COL16A1: variants seen among roughly 807,000 people sequenced by gnomAD.
The protein encoded by COL16A1 is collagen alpha-1(XVI) chain.
In COL16A1, 189 loss-of-function variants were observed where a neutral mutation model predicts 266.3. The observed-to-expected ratio is 0.71, with a 90% CI of 0.63 to 0.80. The LOEUF (loss-of-function observed/expected upper bound fraction) is 0.80. Ranked by LOEUF, COL16A1 falls within the 30% of genes least tolerant of loss-of-function variation. The pLI is 0.00. For synonymous variants in COL16A1, 740 were observed against 782.3 expected (o/e 0.95, Z 0.90); for missense variants, 1,928 against 2,122.4 (o/e 0.91, Z 1.80).
chr1:31,689,607 A>C, intron 23 of COL16A1, 134 bp downstream of exon 23: 1 of 725,346 alleles, frequency 1.4e-6, no homozygotes, highest in Non-Finnish European at 2.4e-6. Flanking sequence ...GTAAGAGCCT[A>C]GACTCTCTGC....
chr1:31,661,885 C>A, intron 58 of COL16A1, 181 bp from the exon 59 acceptor site: 1 of 659,102 alleles, frequency 1.5e-6, no homozygotes, highest in Non-Finnish European at 2.6e-6. Context: ...CCTCTCCGGG[C>A]CTTAGCTTTC....
rs776835341 is a variant in COL16A1 at position 31,652,752 on chromosome 1, G to A, written c.4714C>T (p.Pro1572Ser). The A allele has an allele frequency of 2.5e-6, 4 of 1,602,912 alleles. No individual in the cohort carries two copies. Among genetic ancestry groups the A allele is most frequent in the Non-Finnish European group, 3.4e-6 (4 of 1,176,786 alleles). ...IPGPPGPMGQ[P>S]GKAGHCNPSD... ...GGATTACAGTGGCCAGCCTTGCCTG[G>A]CTGGCCCATGGGACCCGGGGGCCCA... The change falls in exon 71 of 71, where the codon CCA (proline) becomes TCA (serine). Residue 1572 changes from proline (P) to serine (S), a missense_variant. Physicochemically the swap from Pro to Ser is moderately conservative, Grantham distance 74 (BLOSUM62 -1). Around this residue, in one of 2 missense-constraint regions of COL16A1, gnomAD observed 376 missense variants for 485.2 expected, o/e 0.77. Transcript: ENST00000373672. The surrounding 1 kb of genome is among the most constrained non-coding windows in gnomAD (Gnocchi z 4.8).
In COL16A1 at chr1:31,656,219, A is replaced by C. The variant is rs1641132663; in HGVS notation, c.4101+181T>G. ...ATGAACTGGAGATTTCCTTCCCCCC[A>C]ACCACAGCTAATGACCCCATGTGAG... On this transcript the variant is annotated intron_variant, in intron 66 of 70. Transcript: ENST00000373672. The surrounding 1 kb of genome is among the most constrained non-coding windows in gnomAD (Gnocchi z 4.2). 6.5e-6 allele frequency: 6 copies of C among 921,764 alleles called. No individual in the cohort carries two copies. Among genetic ancestry groups the C allele is most frequent in the African/African-American group, 1.7e-5 (1 of 58,850 alleles). 57.1% of individuals were successfully genotyped at this position (921,764 alleles called of 1,614,324 possible).
chr1:31,674,856 G>T, intron 44 of COL16A1, 151 bp downstream of exon 44: 2 of 1,299,478 alleles, frequency 1.5e-6, no homozygotes, highest in South Asian at 1.5e-5. Flanking sequence ...CCAGGCATCA[G>T]CTAGGCCCTC....
Position 31,668,084 on chromosome 1 carries a change from C to T in COL16A1, c.3303+81G>A, listed in dbSNP as rs1642298302. ...GTAATGGGGAGCCCGCCGAGGGTTG[C>T]CCAGCCTGGCTGTGTCCTGACCACC... On this transcript the variant is annotated intron_variant, in intron 51 of 70. Transcript: ENST00000373672. The surrounding 1 kb of genome is among the most constrained non-coding windows in gnomAD (Gnocchi z 5.8). 1.5e-6 allele frequency: 2 copies of T among 1,325,512 alleles called. No homozygotes were observed. The highest frequency in any genetic ancestry group is 4.3e-5 in the Admixed American group (2 of 46,424). 82.1% of individuals were successfully genotyped at this position (1,325,512 alleles called of 1,614,324 possible).
At chr1:31,701,351 T>C (rs1383390860) in intron 2 of COL16A1, 1 of 985,124 alleles carries the variant, frequency 1.0e-6, no homozygotes, top group South Asian at 4.7e-5. Context: ...CAGAAACACA[T>C]ATGTGCACAT....
Position 31,683,999 on chromosome 1 carries a change from T to G in COL16A1, c.2288A>C (p.Gln763Pro). 1 of 1,614,166 alleles carries G rather than the reference T, an allele frequency of 6.2e-7. No homozygotes were observed. Among genetic ancestry groups the G allele is most frequent in the East Asian group, 2.2e-5 (1 of 44,884 alleles). ...CCCTTGAACTCCTGGTAGACCGGGT[T>G]GGCCCTAAAAGGCATAAGGTGGCCC... is the stretch of plus-strand genomic sequence containing the variant. ...EGVGRPGKPG[Q>P]PGLPGVQGPP... is the part of the protein sequence containing the mutation. Residue 763 changes from glutamine to proline, a missense_variant, in exon 33 of 71, where the codon CAA (glutamine) becomes CCA (proline). Physicochemically the swap from Gln to Pro is moderately conservative, Grantham distance 76. Transcript: ENST00000373672.
Position 31,655,434 on chromosome 1 carries a change from T to G in COL16A1, c.4170A>C (p.Gly1390=), listed in dbSNP as rs1023408400. The part of the protein sequence containing the change: ...GEKGRAGMPG[G]PGKSGSMGPV... The stretch of plus-strand genomic sequence containing the variant: ...GCCCCATGGAACCACTCTTGCCAGG[T>G]CCACCAGGCATGCCGGCTCTCCCCT... Residue 1390 remains glycine, a synonymous_variant, in exon 67 of 71, where the codon GGA becomes GGC. Coordinates refer to ENST00000373672, the MANE Select transcript of COL16A1 (RefSeq NM_001856.4). 21 of 1,614,048 alleles carry G rather than the reference T, an allele frequency of 1.3e-5. No individual in the cohort carries two copies. The South Asian group carries it at 2.3e-4, about 18-fold the overall frequency.
chr1:31,658,882 G>C (rs972649024), intron 63 of COL16A1, 32 bp downstream of exon 63: 1 of 1,551,550 alleles, frequency 6.4e-7, no homozygotes, highest in Middle Eastern at 1.7e-4. Flanking sequence ...AAAACTCCTG[G>C]GAGGGAGGAA....
At chr1:31,679,501 C>T (rs1376740008) in intron 42 of COL16A1, 131 bp downstream of exon 42, 1 of 1,613,784 alleles carries the variant, frequency 6.2e-7, no homozygotes, top group Admixed American at 1.7e-5. Flanking sequence ...GGCAGGTAAA[C>T]AGAGGAGTGA....
Position 31,688,712 on chromosome 1 carries a change from G to A in COL16A1, c.1767+149C>T. On this transcript the variant is annotated intron_variant, in intron 25 of 70. Transcript: ENST00000373672. This position sits in a 1 kb window ranked among gnomAD's most constrained non-coding sequence, Gnocchi z 4.9. ...AGCCTGGGGCAGCACAGGGACGGAGGGAGGGACCAGGAGACAGGCCTGGGA... is the reference window on the plus strand; with the variant it reads ...AGCCTGGGGCAGCACAGGGACGGAGAGAGGGACCAGGAGACAGGCCTGGGA... 1 of 1,049,828 alleles carries A rather than the reference G, an allele frequency of 9.5e-7. No homozygotes were observed. Among genetic ancestry groups the A allele is most frequent in the South Asian group, 1.5e-5 (1 of 65,258 alleles). 65.0% of individuals were successfully genotyped at this position (1,049,828 alleles called of 1,614,324 possible). A position where few individuals can be genotyped will look rare whatever the true frequency, so the allele number is the denominator to read the frequency against.
intron 40 of COL16A1, 74 bp from the exon 41 acceptor site, chr1:31,679,925 G>C (rs573253773): frequency 6.5e-7 from 1 of 1,543,806 alleles, no homozygotes; most frequent in Non-Finnish European, 8.7e-7. Context: ...GGGGCTGCGT[G>C]GGGAGGCGGC....
chr1:31,691,269 C>T (rs775172997), intron 19 of COL16A1, 43 bp from the exon 20 acceptor site: 3 of 1,609,426 alleles, frequency 1.9e-6, no homozygotes, highest in Admixed American at 1.7e-5. Context: ...CCAGGGACCA[C>T]TCGCTACAGC....
rs375279584 is a variant in COL16A1 at position 31,655,396 on chromosome 1, G to A, written c.4208C>T (p.Pro1403Leu). ...GTGGCCTCTCTCTCCTGCAGGGCCCGGTGGCCCAACAGGCCCCATGGAACC... is the reference window on the plus strand; with the variant it reads ...GTGGCCTCTCTCTCCTGCAGGGCCCAGTGGCCCAACAGGCCCCATGGAACC... ...KSGSMGPVGP[P>L]GPAGERGHPG... Residue 1403 changes from proline to leucine, a missense_variant, in exon 67 of 71, where the codon CCG becomes CTG. Transcript: ENST00000373672. 3.5e-5 allele frequency: 56 copies of A among 1,613,858 alleles called. No homozygotes were observed. The highest frequency in any genetic ancestry group is 1.2e-4 in the South Asian group (11 of 91,078).
At chr1:31,655,983 TC>T (rs1641108770) in intron 66 of COL16A1, 2 of 303,112 alleles carry the variant, frequency 6.6e-6, no homozygotes, top group African/African-American at 2.3e-5. Context: ...GGTTGGGTGC[TC>T]CTCCCTCTCA....
Position 31,680,903 on chromosome 1 carries a change from A to G in COL16A1, c.2610+2T>C. The G allele has an allele frequency of 6.2e-7, 1 of 1,614,062 alleles. No individual in the cohort carries two copies. The highest frequency in any genetic ancestry group is 1.1e-5 in the South Asian group (1 of 91,074). ...TATGGGTCACAGGCCCTTGGAACTC[A>G]CCTTCTCTCCTCGTGGTCCTTTTTC... On this transcript the variant is annotated splice_donor_variant, in intron 39 of 70. Transcript: ENST00000373672. LOFTEE classifies it high-confidence loss of function.
Position 31,697,809 on chromosome 1 carries a change from T to A in COL16A1, c.657+97A>T, listed in dbSNP as rs1227317111. The A allele has an allele frequency of 3.6e-6, 5 of 1,405,950 alleles. No individual in the cohort carries two copies. The highest frequency in any genetic ancestry group is 4.4e-5 in the Admixed American group (2 of 45,328). 87.1% of individuals were successfully genotyped at this position (1,405,950 alleles called of 1,614,324 possible). A position where few individuals can be genotyped will look rare whatever the true frequency, so the allele number is the denominator to read the frequency against. ...GCAACAGGAAAGCAGGGGAAGATTCTAAGCAGGAGAAGGACTTGTTCCGAT... is the reference window on the plus strand; with the variant it reads ...GCAACAGGAAAGCAGGGGAAGATTCAAAGCAGGAGAAGGACTTGTTCCGAT... On this transcript the variant is annotated intron_variant, in intron 6 of 70. Transcript: ENST00000373672. This position sits in a 1 kb window ranked among gnomAD's most constrained non-coding sequence, Gnocchi z 4.2.
intron 4 of COL16A1, among the ~76,000 whole-genome samples, chr1:31,699,092 C>T (rs929472452): frequency 6.6e-6 from 1 of 151,650 alleles, no homozygotes; most frequent in African/African-American, 2.4e-5. Flanking sequence ...AAGACTTGGT[C>T]TCAAAAAGAA....
Position 31,668,317 on chromosome 1 carries a change from A to AT in COL16A1, c.3250-100dup, listed in dbSNP as rs1642322780. 4 of 1,305,036 alleles carry AT rather than the reference A, an allele frequency of 3.1e-6. No homozygotes were observed. In the East Asian group the frequency reaches 9.6e-5, roughly 31 times the overall value. 80.8% of individuals were successfully genotyped at this position (1,305,036 alleles called of 1,614,324 possible). ...CAAAGCTAAAACCTCTGGGGCTGCC[A>AT]TCTAGCAGGTGCCAGCCTGCCCCAG... On this transcript the variant is annotated intron_variant, in intron 50 of 70. Coordinates refer to ENST00000373672, the MANE Select transcript of COL16A1 (RefSeq NM_001856.4). The surrounding 1 kb of genome is among the most constrained non-coding windows in gnomAD (Gnocchi z 5.8).
Sources: allele counts gnomAD v4.1 joint callset (sites outside exome capture counted in the v4.1 genomes callset), GRCh38; gene constraint gnomAD v4.1.1; regional missense constraint gnomAD v4.1.1; non-coding constraint Gnocchi (gnomAD v3.1); transcripts MANE v1.5; gene names NCBI Gene and HGNC (gene_info 2026-07-23, HGNC 2026-07-21).